Variants in GRIK2 observed in about 807,000 individuals in gnomAD.
GRIK2 encodes glutamate ionotropic receptor kainate type subunit 2, also known as glutamate receptor ionotropic, kainate 2.
GRIK2 carries 32 observed loss-of-function variants against 100.3 expected under a neutral mutation model. The observed-to-expected ratio is 0.32, with a 90% confidence interval of 0.24 to 0.43. The LOEUF (loss-of-function observed/expected upper bound fraction) is 0.43. Ranked by LOEUF, GRIK2 falls within the 20% of genes least tolerant of loss-of-function variation. GRIK2 has a pLI of 1.00. For missense variants in GRIK2, 843 were observed against 1,114.9 expected, an observed-to-expected ratio of 0.76 and a Z score of 3.47; for synonymous variants, 417 against 389.4, an observed-to-expected ratio of 1.07 and a Z score of -0.83.
chr6:102,034,852 G>A (rs764287743), intron 14 of GRIK2, among the ~76,000 whole-genome samples: 11 of 151,100 alleles, frequency 7.3e-5, no homozygotes, highest in Non-Finnish European at 1.3e-4. Flanking sequence ...GTATCCCTGG[G>A]GGTTAATGTA....
intron 7 of GRIK2, among the ~76,000 whole-genome samples, chr6:101,689,079 T>C (rs1405974258): frequency 6.6e-6 from 1 of 151,996 alleles, no homozygotes; most frequent in African/African-American, 2.4e-5. Flanking sequence ...ATTGTAAGCA[T>C]TTTCACAAGT....
chr6:101,725,719 A>G (rs1190945070), intron 7 of GRIK2, among the ~76,000 whole-genome samples: 2 of 152,010 alleles, frequency 1.3e-5, no homozygotes, highest in Non-Finnish European at 2.9e-5. Context: ...TTAATCTTCA[A>G]TATCTGTAGG....
intron 16 of GRIK2, among the ~76,000 whole-genome samples, chr6:102,063,491 C>A (rs1771855659): frequency 1.3e-5 from 2 of 150,548 alleles, no homozygotes; most frequent in African/African-American, 4.8e-5. Flanking sequence ...TATTGCTAAA[C>A]ATAATGGTTT....
In GRIK2 at chr6:101,799,798, T is replaced by C. The variant is rs6922753; in HGVS notation, c.1095+7T>C. ...TATGAGTCTAATTAAAGAGGTAAGT[T>C]AGGAGAAGAACATCTGCCTTGTCTC... On this transcript the variant is annotated splice_region_variant and intron_variant, in intron 8 of 16. Transcript: ENST00000369134. 0.19 allele frequency: 302,363 copies of C among 1,608,086 alleles called. 39,052 individuals are homozygous for C. The highest frequency in any genetic ancestry group is 0.63 in the East Asian group (28,102 of 44,752).
intron 16 of GRIK2, among the ~76,000 whole-genome samples, chr6:102,057,515 A>G (rs954447602): frequency 2.0e-5 from 3 of 152,042 alleles, no homozygotes; most frequent in African/African-American, 7.2e-5. Flanking sequence ...TCCTCTAAAA[A>G]TTAGAAAAAT....
chr6:101,665,618 G>A (rs934696101), intron 4 of GRIK2, among the ~76,000 whole-genome samples: 4 of 152,152 alleles, frequency 2.6e-5, no homozygotes, highest in Non-Finnish European at 5.9e-5. Flanking sequence ...AAACCTTAAA[G>A]GTTATGAATT....
intron 14 of GRIK2, among the ~76,000 whole-genome samples, chr6:101,957,454 T>C (rs929133192): frequency 7.9e-5 from 12 of 151,508 alleles, no homozygotes; most frequent in Admixed American, 2.6e-4. Flanking sequence ...AGTCTTTTGA[T>C]TGTGATTTTC....
intron 4 of GRIK2, among the ~76,000 whole-genome samples, chr6:101,659,679 G>T (rs910504229): frequency 2.0e-5 from 3 of 152,068 alleles, no homozygotes; most frequent in African/African-American, 7.2e-5. Flanking sequence ...GTGACAAAAT[G>T]TCTCAGCATT....
chr6:101,820,022 T>G (rs1388263215), intron 10 of GRIK2, among the ~76,000 whole-genome samples: 1 of 152,198 alleles, frequency 6.6e-6, no homozygotes, highest in African/African-American at 2.4e-5. Flanking sequence ...TTATCTTCAC[T>G]TCCCATTATT....
chr6:101,682,876 G>C (rs1771384086), intron 6 of GRIK2, among the ~76,000 whole-genome samples: 1 of 152,052 alleles, frequency 6.6e-6, no homozygotes, highest in South Asian at 2.1e-4. Context: ...AATGGATCTT[G>C]AAATTAGTTT....
At chr6:101,814,557 A>T (rs537764445) in intron 9 of GRIK2, among the ~76,000 whole-genome samples, 2 of 152,266 alleles carry the variant, frequency 1.3e-5, no homozygotes, top group South Asian at 4.1e-4. Context: ...ATTGTTATAC[A>T]GTTGTCTTAT....
At chr6:101,535,720 G>T (rs968234493) in intron 2 of GRIK2, among the ~76,000 whole-genome samples, 1 of 151,646 alleles carries the variant, frequency 6.6e-6, no homozygotes, top group Admixed American at 6.6e-5. Context: ...ATATGGATGA[G>T]TTATGTTGAA....
intron 10 of GRIK2, among the ~76,000 whole-genome samples, chr6:101,851,220 T>G (rs535107092): frequency 3.3e-5 from 5 of 152,212 alleles, no homozygotes; most frequent in Admixed American, 3.3e-4. Context: ...TATTTGCCTA[T>G]GACAGAAGTT....
intron 11 of GRIK2, among the ~76,000 whole-genome samples, chr6:101,878,895 A>T (rs1170831344): frequency 6.6e-6 from 1 of 151,986 alleles, no homozygotes; most frequent in Non-Finnish European, 1.5e-5. Flanking sequence ...GTATGTACTG[A>T]TTATTTTACT....
intron 14 of GRIK2, among the ~76,000 whole-genome samples, chr6:101,967,356 A>T (rs2128484688): frequency 6.6e-6 from 1 of 152,174 alleles, no homozygotes; most frequent in South Asian, 2.1e-4. Context: ...CCTTTGGGGA[A>T]TTTTTTAGAG....
chr6:101,721,208 TTTCTA>T (rs972826393), intron 7 of GRIK2, among the ~76,000 whole-genome samples: 58 of 146,750 alleles, frequency 4.0e-4, no homozygotes, highest in African/African-American at 1.4e-3. Flanking sequence ...GGATGTCTCT[TTTCTA>T]TTCTAAAAGG....
At chr6:102,025,012 T>C (rs1769621015) in intron 14 of GRIK2, among the ~76,000 whole-genome samples, 1 of 150,562 alleles carries the variant, frequency 6.6e-6, no homozygotes. Flanking sequence ...CACTGAAAAA[T>C]ATCTTGGAAT....
chr6:101,805,313 T>TAAAA (rs35711027), intron 9 of GRIK2, among the ~76,000 whole-genome samples: 1 of 142,028 alleles, frequency 7.0e-6, no homozygotes, highest in Non-Finnish European at 1.6e-5. Flanking sequence ...TTCATCACCT[T>TAAAA]AAAAAAAAAA....
At chr6:101,839,177 T>C (rs1783344293) in intron 10 of GRIK2, among the ~76,000 whole-genome samples, 1 of 152,208 alleles carries the variant, frequency 6.6e-6, no homozygotes, top group Non-Finnish European at 1.5e-5. Flanking sequence ...ACTCTGACTT[T>C]CACTGTTCTG....
Sources: allele counts gnomAD v4.1 joint callset (sites outside exome capture counted in the v4.1 genomes callset), GRCh38; gene constraint gnomAD v4.1.1; transcripts MANE v1.5; gene names NCBI Gene and HGNC (gene_info 2026-07-23, HGNC 2026-07-21).